Variants in PCDHGB6 observed in about 807,000 individuals in gnomAD.
PCDHGB6 encodes protocadherin gamma-B6.
PCDHGB6 carries 51 observed loss-of-function variants against 59.1 expected under a neutral mutation model. That is an observed-to-expected ratio of 0.86 (90% CI 0.69 to 1.09). PCDHGB6 has a LOEUF of 1.09. Among genes scored for constraint, PCDHGB6 ranks in the 50% least tolerant of loss-of-function variants. PCDHGB6 has a pLI of 0.00. For missense variants in PCDHGB6, 1,148 were observed against 1,205.1 expected (o/e 0.95, Z 0.70); for synonymous variants, 466 against 495.1 (o/e 0.94, Z 0.78).
intron 1 of PCDHGB6, chr5:141,422,102 T>A: frequency 6.2e-7 from 1 of 1,609,526 alleles, no homozygotes; most frequent in Non-Finnish European, 8.5e-7. Context: ...GCTTCTGAAA[T>A]ATTCCAATTG....
Position 141,409,086 on chromosome 5 carries a change from A to G in PCDHGB6, c.884A>G (p.Asp295Gly), listed in dbSNP as rs1019017199. 6.8e-6 allele frequency: 11 copies of G among 1,613,904 alleles called. No homozygotes were observed. Among genetic ancestry groups the G allele is most frequent in the African/African-American group, 5.3e-5 (4 of 74,932 alleles). Residue 295 changes from aspartate (D) to glycine (G), a missense_variant, in exon 1 of 4, where the codon GAT becomes GGT. Physicochemically the swap from Asp to Gly is moderately conservative, Grantham distance 94. This residue lies in a region of PCDHGB6 where 549 missense variants were observed against 527.5 expected (regional missense o/e 1.04). Transcript: ENST00000520790. ...AQSTKHMFSL[D>G]EKTGMIKNNQ... ...AGCACAAAACATATGTTCTCATTGG[A>G]TGAGAAAACAGGTATGATTAAGAAT... is the stretch of plus-strand genomic sequence containing the variant.
intron 1 of PCDHGB6, among the ~76,000 whole-genome samples, chr5:141,437,668 G>T (rs72790049): frequency 3.1e-4 from 47 of 151,868 alleles, no homozygotes; most frequent in Non-Finnish European, 6.0e-4. Context: ...TCGAAGAGAT[G>T]TTGATCAAAC....
intron 1 of PCDHGB6, chr5:141,415,357 C>T: frequency 6.2e-7 from 1 of 1,614,250 alleles, no homozygotes; most frequent in Non-Finnish European, 8.5e-7. Context: ...CAAGTCACGC[C>T]TGCTGCAGGC....
At chr5:141,419,125 C>T in intron 1 of PCDHGB6, 1 of 1,613,852 alleles carries the variant, frequency 6.2e-7, no homozygotes, top group South Asian at 1.1e-5. Flanking sequence ...ACGTCACCAT[C>T]GCAGCCACAG....
In PCDHGB6 at chr5:141,489,116, C is replaced by A; in HGVS notation, c.2419-5691C>A. Reference sequence around the variant, plus strand: ...TAAGAACTGCTGCAAGCAGGCAAACCTCCGAGCAGTTTTTAAGAGGCTGGA... The same window carrying A: ...TAAGAACTGCTGCAAGCAGGCAAACATCCGAGCAGTTTTTAAGAGGCTGGA... On this transcript the variant is annotated intron_variant, in intron 1 of 3. Transcript: ENST00000520790. The surrounding 1 kb of genome is among the most constrained non-coding windows in gnomAD (Gnocchi z 4.5). 3.7e-6 allele frequency: 2 copies of A among 536,398 alleles called. No homozygotes were observed. The highest frequency in any genetic ancestry group is 6.2e-6 in the Non-Finnish European group (2 of 322,530). 33.2% of individuals were successfully genotyped at this position (536,398 alleles called of 1,614,324 possible).
In PCDHGB6 at chr5:141,410,420, C is replaced by T. The variant is rs1426515605; in HGVS notation, c.2218C>T (p.Pro740Ser). 4 of 1,613,926 alleles carry T rather than the reference C, an allele frequency of 2.5e-6. No homozygotes were observed. The highest frequency in any genetic ancestry group is 3.4e-6 in the Non-Finnish European group (4 of 1,179,826). ...CTGTGTCAAGTCTGGACCTGTAGTT[C>T]CCCCCAACTACAGTGAGGGGACTTT... ...GLCVKSGPVV[P>S]PNYSEGTLPY... Residue 740 changes from proline (P) to serine (S), a missense_variant, in exon 1 of 4, where the codon CCC becomes TCC. By Grantham distance (74) the Pro-to-Ser change is moderately conservative. Transcript: ENST00000520790.
chr5:141,482,530 C>CAAAAAAAAAAAAAAAAA (rs3074545), intron 1 of PCDHGB6, among the ~76,000 whole-genome samples: 1 of 76,562 alleles, frequency 1.3e-5, no homozygotes, highest in African/African-American at 4.8e-5. Flanking sequence ...GACAGACATG[C>CAAAAAAAAAAAAAAAAA]AAAAAAAAAA....
At position 141,419,312 on chromosome 5, in the gene PCDHGB6, G is replaced by C. The variant is rs35892780; in HGVS notation, c.2418+8692G>C. On this transcript the variant is annotated intron_variant, in intron 1 of 3. Transcript: ENST00000520790. ...CTCTGACCCAGACTTCGGGCTCAAC[G>C]GCCGTGTCTCCTACTCTCTCATTGC... 1.0e-3 allele frequency: 1,689 copies of C among 1,613,962 alleles called. 4 individuals are homozygous for C. Among genetic ancestry groups the C allele is most frequent in the Middle Eastern group, 5.3e-3 (32 of 6,062 alleles).
chr5:141,474,685 T>G (rs1562045980), intron 1 of PCDHGB6, among the ~76,000 whole-genome samples: 1 of 152,224 alleles, frequency 6.6e-6, no homozygotes, highest in Non-Finnish European at 1.5e-5. Flanking sequence ...GCCTACCCCT[T>G]CACTTATGTT....
chr5:141,498,814 T>G (rs2099785952), intron 2 of PCDHGB6, among the ~76,000 whole-genome samples: 1 of 151,956 alleles, frequency 6.6e-6, no homozygotes. Flanking sequence ...ACACCTGTAG[T>G]CCCAGCTACT....
At position 141,490,044 on chromosome 5, in the gene PCDHGB6, T is replaced by C; in HGVS notation, c.2419-4763T>C. The C allele has an allele frequency of 1.2e-6, 2 of 1,614,192 alleles. No individual in the cohort carries two copies. Among genetic ancestry groups the C allele is most frequent in the Non-Finnish European group, 1.7e-6 (2 of 1,180,024 alleles). The stretch of plus-strand genomic sequence containing the variant: ...TGCTGCTCCGCCTCAATGCCACTGA[T>C]CCAGACGAGGGCACCAACGGCCAAC... On this transcript the variant is annotated intron_variant, in intron 1 of 3. Transcript: ENST00000520790. The surrounding 1 kb of genome is among the most constrained non-coding windows in gnomAD (Gnocchi z 5.4).
chr5:141,478,026 C>T (rs1192406949), intron 1 of PCDHGB6: 2 of 1,614,062 alleles, frequency 1.2e-6, no homozygotes, highest in East Asian at 2.2e-5. Flanking sequence ...GTCCAAGACA[C>T]AGATTCACCC....
chr5:141,454,010 G>A (rs998092071), intron 1 of PCDHGB6, among the ~76,000 whole-genome samples: 2 of 152,146 alleles, frequency 1.3e-5, no homozygotes, highest in African/African-American at 4.8e-5. Context: ...TAACATTTTA[G>A]AAAAATGTAT....
chr5:141,408,622 A>C lies in PCDHGB6; in HGVS notation c.420A>C (p.Leu140Phe), dbSNP rs1481022505. The stretch of plus-strand genomic sequence containing the variant: ...AATTTGATAAAAAGGAAATACATTT[A>C]GAAATTTTCGAATCTGCATCCGCTG... ...APQFDKKEIH[L>F]EIFESASAGT... Residue 140 changes from leucine to phenylalanine, a missense_variant, in exon 1 of 4, where the codon TTA (leucine) becomes TTC (phenylalanine). Coordinates refer to ENST00000520790, the MANE Select transcript of PCDHGB6 (RefSeq NM_018926.3). 1 of 1,614,070 alleles carries C rather than the reference A, an allele frequency of 6.2e-7. No individual in the cohort carries two copies. Among genetic ancestry groups the C allele is most frequent in the Admixed American group, 1.7e-5 (1 of 60,036 alleles).
In PCDHGB6 at chr5:141,476,978, C is replaced by G; in HGVS notation, c.2419-17829C>G. 1.2e-6 allele frequency: 2 copies of G among 1,614,256 alleles called. No individual in the cohort carries two copies. Among genetic ancestry groups the G allele is most frequent in the Non-Finnish European group, 1.7e-6 (2 of 1,180,058 alleles). Reference sequence around the variant, plus strand: ...TATTTACTCCTTCGGCAGCCACAACCGCGCCGGCGTGCGGCAACTATTCGC... The same window carrying G: ...TATTTACTCCTTCGGCAGCCACAACGGCGCCGGCGTGCGGCAACTATTCGC... On this transcript the variant is annotated intron_variant, in intron 1 of 3. Transcript: ENST00000520790. This position sits in a 1 kb window ranked among gnomAD's most constrained non-coding sequence, Gnocchi z 7.6.
chr5:141,422,150 T>A (rs773805631), intron 1 of PCDHGB6: 1 of 1,577,174 alleles, frequency 6.3e-7, no homozygotes, highest in Non-Finnish European at 8.6e-7. Context: ...CGGGGGTCTC[T>A]GGATTTTGAA....
intron 1 of PCDHGB6, chr5:141,430,555 TC>T (rs1232264614): frequency 9.7e-6 from 4 of 411,788 alleles, no homozygotes; most frequent in Non-Finnish European, 1.3e-5. Flanking sequence ...TGTTCACCAA[TC>T]GGGGAGAGAA....
Position 141,431,646 on chromosome 5 carries a change from G to A in PCDHGB6, c.2418+21026G>A. ...GCGGCCCAAGTTTTCAAACTAGATT[G>A]TAATTCAGGGACAATATCAACAATA... On this transcript the variant is annotated intron_variant, in intron 1 of 3. Coordinates refer to ENST00000520790, the MANE Select transcript of PCDHGB6 (RefSeq NM_018926.3). The surrounding 1 kb of genome is among the most constrained non-coding windows in gnomAD (Gnocchi z 4.8). 2 of 1,614,252 alleles carry A rather than the reference G, an allele frequency of 1.2e-6. No individual in the cohort carries two copies. Among genetic ancestry groups the A allele is most frequent in the Non-Finnish European group, 1.7e-6 (2 of 1,180,046 alleles).
intron 3 of PCDHGB6, 43 bp from the exon 4 acceptor site, chr5:141,510,903 GA>G: frequency 6.2e-7 from 1 of 1,613,454 alleles, no homozygotes; most frequent in Non-Finnish European, 8.5e-7. Flanking sequence ...GACTGTTGAG[GA>G]CCCTAAGTTT....
Sources: gnomAD v4.1 joint callset for allele counts (sites outside exome capture counted in the v4.1 genomes callset) on GRCh38, gnomAD v4.1.1 for gene constraint, gnomAD v4.1.1 regional missense constraint, Gnocchi (gnomAD v3.1) non-coding constraint, MANE v1.5 for transcripts, NCBI Gene and HGNC (gene_info 2026-07-23, HGNC 2026-07-21) for gene names.